The following PKP4 variants were observed in gnomAD, a reference collection of about 807,000 sequenced individuals.
The protein encoded by PKP4 is plakophilin-4.
In PKP4, 90 loss-of-function variants were observed where a neutral mutation model predicts 145.1. That is an observed-to-expected ratio of 0.62 (90% confidence interval 0.52 to 0.74). The LOEUF (loss-of-function observed/expected upper bound fraction) is 0.74, where lower values mean the gene tolerates loss of function less well. PKP4 is among the 30% of genes least tolerant of loss of function. The pLI is 0.00. For synonymous variants in PKP4, 563 were observed against 577.2 expected (o/e 0.98, Z 0.35); for missense variants, 1,340 against 1,482.7 (o/e 0.90, Z 1.58).
At chr2:158,668,339 C>A (rs918861757) in intron 16 of PKP4, among the ~76,000 whole-genome samples, 1 of 152,112 alleles carries the variant, frequency 6.6e-6, no homozygotes, top group African/African-American at 2.4e-5. Context: ...CTTCTCTGAC[C>A]TCTTCCCTCT....
chr2:158,627,415 C>CTT (rs2052904671), intron 7 of PKP4, among the ~76,000 whole-genome samples: 1 of 151,944 alleles, frequency 6.6e-6, no homozygotes, highest in Non-Finnish European at 1.5e-5. Flanking sequence ...GTCTGTTTCT[C>CTT]TGACAATGCA....
intron 11 of PKP4, among the ~76,000 whole-genome samples, chr2:158,644,407 G>T (rs902102010): frequency 2.0e-5 from 3 of 152,190 alleles, no homozygotes; most frequent in Admixed American, 2.0e-4. Flanking sequence ...GGATACTTGA[G>T]ATTGAGCTGG....
chr2:158,477,264 A>T (rs1346493604), intron 1 of PKP4, among the ~76,000 whole-genome samples: 1 of 40,662 alleles, frequency 2.5e-5, no homozygotes, highest in East Asian at 1.1e-3. Context: ...TGAGATCTGG[A>T]GACATGGTCC....
intron 1 of PKP4, among the ~76,000 whole-genome samples, chr2:158,468,770 CTTTTTTTTT>C (rs58577988): frequency 1.3e-4 from 14 of 109,968 alleles, no homozygotes; most frequent in African/African-American, 4.4e-4. Context: ...TCTTCTTCTT[CTTTTTTTTT>C]TTTTTTTTTT....
intron 2 of PKP4, among the ~76,000 whole-genome samples, chr2:158,564,928 A>G (rs907916241): frequency 1.3e-5 from 2 of 152,220 alleles, no homozygotes; most frequent in African/African-American, 4.8e-5. Context: ...TGATTTGAGA[A>G]GAATGTTTTG....
intron 3 of PKP4, among the ~76,000 whole-genome samples, chr2:158,586,720 A>G (rs1367294856): frequency 2.0e-5 from 3 of 152,248 alleles, no homozygotes; most frequent in Admixed American, 1.3e-4. Flanking sequence ...CTGCAGCTCT[A>G]CAGAAGTTGT....
At chr2:158,600,668 A>G (rs1366493908) in intron 3 of PKP4, among the ~76,000 whole-genome samples, 1 of 152,218 alleles carries the variant, frequency 6.6e-6, no homozygotes, top group Non-Finnish European at 1.5e-5. Context: ...TGAGTAATTC[A>G]AAAAGAAAAT....
chr2:158,666,536 C>T lies in PKP4; in HGVS notation c.2701C>T (p.Leu901=). 6.2e-7 allele frequency: 1 copy of T among 1,612,728 alleles called. No homozygotes were observed. Residue 901 remains leucine, a synonymous_variant, in exon 16 of 22, where the codon CTA becomes TTA. Coordinates refer to ENST00000389759, the MANE Select transcript of PKP4 (RefSeq NM_003628.6). ...GGCAACAGCCTTGAGGAATATGGCA[C>T]TAGATGTTCGCAACAAGGAGCTCAT... The part of the protein sequence containing the change: ...SVATALRNMA[L]DVRNKELIGK...
intron 11 of PKP4, among the ~76,000 whole-genome samples, chr2:158,650,132 C>T (rs564208399): frequency 6.6e-6 from 1 of 152,360 alleles, no homozygotes; most frequent in South Asian, 2.1e-4. Context: ...CCGCTGCCCC[C>T]ACTGCCGTTT....
intron 11 of PKP4, among the ~76,000 whole-genome samples, chr2:158,644,921 T>C (rs928122058): frequency 6.6e-6 from 1 of 152,170 alleles, no homozygotes; most frequent in African/African-American, 2.4e-5. Flanking sequence ...AATTTAAAAT[T>C]TTAAAACAAC....
At chr2:158,581,903 A>G (rs769900940) in intron 3 of PKP4, among the ~76,000 whole-genome samples, 2 of 152,236 alleles carry the variant, frequency 1.3e-5, no homozygotes, top group African/African-American at 2.4e-5. Flanking sequence ...AAACAAGGTA[A>G]AAACCTCATT....
rs772415800 is a variant in PKP4, at chr2:158,663,024, ACT to A, written c.2342_2343del (p.Ser781Ter). 6.2e-7 allele frequency: 1 copy of A among 1,613,966 alleles called. No homozygotes were observed. The highest frequency in any genetic ancestry group is 1.1e-5 in the South Asian group (1 of 91,058). On this transcript the variant is annotated frameshift_variant, in exon 14 of 22. Transcript: ENST00000389759. LOFTEE classifies it high-confidence loss of function. ...CTAGGAAAAGAGTCTCCCAGCAAAG[ACT>A]CTGAGCCAAGTTGCTGGGGGAAGAA...
chr2:158,530,079 A>G (rs1048398353), intron 1 of PKP4, among the ~76,000 whole-genome samples: 1 of 152,104 alleles, frequency 6.6e-6, no homozygotes, highest in Non-Finnish European at 1.5e-5. Context: ...GTGATGGAGG[A>G]CTTCTAATAT....
chr2:158,530,485 A>T (rs1009596864), intron 1 of PKP4, among the ~76,000 whole-genome samples: 1 of 144,398 alleles, frequency 6.9e-6, no homozygotes, highest in African/African-American at 2.6e-5. Flanking sequence ...TCTCTTTACG[A>T]TAGAAGTACT....
At chr2:158,607,556 A>T (rs1232929536) in intron 4 of PKP4, among the ~76,000 whole-genome samples, 2 of 152,134 alleles carry the variant, frequency 1.3e-5, no homozygotes, top group African/African-American at 4.8e-5. Context: ...AGTGTCCTAG[A>T]GCTGGAGCAG....
intron 1 of PKP4, among the ~76,000 whole-genome samples, chr2:158,480,451 G>A (rs113676901): frequency 4.0e-5 from 6 of 151,672 alleles, no homozygotes; most frequent in African/African-American, 1.4e-4. Flanking sequence ...TCGCCAGGCT[G>A]GTCTTAAACT....
intron 2 of PKP4, among the ~76,000 whole-genome samples, chr2:158,568,066 G>A (rs895662389): frequency 6.6e-6 from 1 of 152,188 alleles, no homozygotes; most frequent in Non-Finnish European, 1.5e-5. Context: ...TGGGCATGGT[G>A]GCTCACATCT....
At chr2:158,663,974 A>G (rs927764201) in intron 15 of PKP4, among the ~76,000 whole-genome samples, 3 of 152,330 alleles carry the variant, frequency 2.0e-5, no homozygotes, top group African/African-American at 7.2e-5. Flanking sequence ...CTGGCTGCCC[A>G]CTGGGGCCCA....
intron 3 of PKP4, among the ~76,000 whole-genome samples, chr2:158,600,933 C>T (rs1352858086): frequency 2.0e-5 from 3 of 152,184 alleles, no homozygotes; most frequent in African/African-American, 4.8e-5. Context: ...GTCCTTTCAG[C>T]AGCAAAAATG....
Sources: allele counts gnomAD v4.1 joint callset (sites outside exome capture counted in the v4.1 genomes callset), GRCh38; gene constraint gnomAD v4.1.1; transcripts MANE v1.5; gene names NCBI Gene and HGNC (gene_info 2026-07-23, HGNC 2026-07-21).